The following OSTF1 variants were observed in gnomAD, a reference collection of about 807,000 sequenced individuals.
OSTF1 encodes the protein osteoclast-stimulating factor 1.
In OSTF1, 27 loss-of-function variants were observed where a neutral mutation model predicts 37.2. The observed-to-expected ratio is 0.73, with a 90% CI of 0.54 to 1.00. OSTF1 has a LOEUF of 1.00. Ranked by LOEUF, OSTF1 falls within the 50% of genes least tolerant of loss-of-function variation. The pLI is 0.00. For missense variants in OSTF1, 232 were observed against 253.8 expected (o/e 0.91, Z 0.58); for synonymous variants, 82 against 89.2 (o/e 0.92, Z 0.46).
intron 2 of OSTF1, among the ~76,000 whole-genome samples, chr9:75,118,015 A>T (rs1825519682): frequency 6.6e-6 from 1 of 152,146 alleles, no homozygotes; most frequent in Non-Finnish European, 1.5e-5. Context: ...TGGTTTATTA[A>T]GCGCCTATTA....
At position 75,099,264 on chromosome 9, in the gene OSTF1, C is replaced by CT. The variant is rs113012001; in HGVS notation, c.34+10551dup. 2.9e-3 allele frequency among the ~76,000 whole-genome samples: 410 copies of CT among 141,768 alleles called. 1 individual carries two copies. Among genetic ancestry groups the CT allele is most frequent in the Admixed American group, 3.9e-3 (55 of 14,126 alleles). 93.0% of individuals were successfully genotyped at this position (141,768 alleles called of 152,430 possible). A position where few individuals can be genotyped will look rare whatever the true frequency, so the allele number is the denominator to read the frequency against. On this transcript the variant is annotated intron_variant, in intron 1 of 9. Transcript: ENST00000346234. ...TATTTAAAGAAATTCTGATAAATGG[C>CT]TTTTTTTTTTTTTAATTAAGAAAAG...
chr9:75,123,736 T>C (rs1389857819), intron 2 of OSTF1, among the ~76,000 whole-genome samples: 1 of 152,182 alleles, frequency 6.6e-6, no homozygotes, highest in African/African-American at 2.4e-5. Flanking sequence ...GAAGAAGACA[T>C]TTTACGAGTA....
intron 1 of OSTF1, among the ~76,000 whole-genome samples, chr9:75,103,199 A>G (rs754437742): frequency 3.0e-4 from 46 of 152,230 alleles, no homozygotes; most frequent in Admixed American, 4.6e-4. Context: ...AGTTTGAGGC[A>G]GGAGGTTTAG....
At chr9:75,105,173 T>TG (rs1220427113) in intron 1 of OSTF1, among the ~76,000 whole-genome samples, 1 of 152,218 alleles carries the variant, frequency 6.6e-6, no homozygotes, top group Non-Finnish European at 1.5e-5. Flanking sequence ...GAGGAAGTCA[T>TG]GACCCAGATT....
chr9:75,121,060 G>A (rs528137914), intron 2 of OSTF1, among the ~76,000 whole-genome samples: 1 of 152,282 alleles, frequency 6.6e-6, no homozygotes, highest in Non-Finnish European at 1.5e-5. Context: ...CCCGCACTAG[G>A]GTTCAGGACC....
chr9:75,121,868 G>A (rs560127939), intron 2 of OSTF1, among the ~76,000 whole-genome samples: 67 of 152,282 alleles, frequency 4.4e-4, no homozygotes, highest in African/African-American at 1.6e-3. Context: ...TTGCTGGCAT[G>A]TGCAGCTCCC....
chr9:75,134,297 G>A (rs1275795315), intron 6 of OSTF1, 49 bp from the exon 7 acceptor site: 1 of 832,884 alleles, frequency 1.2e-6, no homozygotes, highest in Non-Finnish European at 2.0e-6. Context: ...AGATTTGTCA[G>A]GCTTCTAATT....
intron 1 of OSTF1, among the ~76,000 whole-genome samples, chr9:75,114,964 C>T (rs560921159): frequency 1.2e-4 from 19 of 152,322 alleles, no homozygotes; most frequent in African/African-American, 3.8e-4. Flanking sequence ...GTGGTAGGCA[C>T]TCGGGTGTCT....
At chr9:75,128,401 TATATA>T (rs1825698441) in intron 3 of OSTF1, among the ~76,000 whole-genome samples, 10 of 89,956 alleles carry the variant, frequency 1.1e-4, no homozygotes, top group Non-Finnish European at 1.4e-4. Context: ...TATATATATA[TATATA>T]TTTTGTCCAT....
chr9:75,134,722 C>T (rs576064905), intron 7 of OSTF1, among the ~76,000 whole-genome samples: 1 of 152,300 alleles, frequency 6.6e-6, no homozygotes, highest in Admixed American at 6.5e-5. Flanking sequence ...TTGTCAGCTG[C>T]CCCAGCTCTC....
intron 1 of OSTF1, among the ~76,000 whole-genome samples, chr9:75,114,647 G>A (rs1479130395): frequency 6.6e-6 from 1 of 151,992 alleles, no homozygotes; most frequent in Non-Finnish European, 1.5e-5. Context: ...CCACCTCCTG[G>A]GTTCAGGCAA....
intron 8 of OSTF1, among the ~76,000 whole-genome samples, chr9:75,140,616 C>T (rs146052210): frequency 5.3e-5 from 8 of 152,142 alleles, no homozygotes; most frequent in African/African-American, 1.7e-4. Flanking sequence ...TCAAAAGGTT[C>T]GGAATTAATT....
chr9:75,141,343 A>AAAAAAAAAAAG (rs1825941530), intron 9 of OSTF1, among the ~76,000 whole-genome samples: 1 of 147,918 alleles, frequency 6.8e-6, no homozygotes, highest in Admixed American at 6.7e-5. Context: ...AAAAAAAGAT[A>AAAAAAAAAAAG]AACTCTTCAG....
intron 9 of OSTF1, among the ~76,000 whole-genome samples, chr9:75,143,300 G>A (rs80106305): frequency 0.036 from 5,507 of 152,180 alleles, 133 homozygotes; most frequent in African/African-American, 0.062. Flanking sequence ...TAGGATATAG[G>A]GCTGGGGGTT....
intron 1 of OSTF1, among the ~76,000 whole-genome samples, chr9:75,100,649 T>C (rs936668000): frequency 1.3e-5 from 2 of 151,276 alleles, no homozygotes; most frequent in African/African-American, 4.9e-5. Context: ...GAGAATCTCT[T>C]GAACCTGGGA....
intron 1 of OSTF1, among the ~76,000 whole-genome samples, chr9:75,103,236 C>G (rs1825225515): frequency 1.3e-5 from 2 of 152,188 alleles, no homozygotes; most frequent in African/African-American, 4.8e-5. Context: ...CAAGCTATGA[C>G]TGCGTCATTG....
chr9:75,118,728 C>T (rs1825532544), intron 2 of OSTF1, among the ~76,000 whole-genome samples: 1 of 152,014 alleles, frequency 6.6e-6, no homozygotes, highest in Non-Finnish European at 1.5e-5. Flanking sequence ...AGAATGAGAA[C>T]CAAGTGAAAG....
intron 2 of OSTF1, among the ~76,000 whole-genome samples, chr9:75,121,521 T>G (rs1229932324): frequency 6.6e-6 from 1 of 152,174 alleles, no homozygotes; most frequent in Admixed American, 6.5e-5. Flanking sequence ...CCTCTATATT[T>G]CTCCCCTGTT....
At chr9:75,117,605 A>G (rs1193452316) in intron 2 of OSTF1, 55 bp downstream of exon 2, 11 of 1,253,326 alleles carry the variant, frequency 8.8e-6, no homozygotes, top group Non-Finnish European at 1.3e-5. Context: ...AGATGATTTT[A>G]TTTAGACATT....
Sources: allele counts gnomAD v4.1 joint callset (sites outside exome capture counted in the v4.1 genomes callset), GRCh38; gene constraint gnomAD v4.1.1; transcripts MANE v1.5; gene names NCBI Gene and HGNC (gene_info 2026-07-23, HGNC 2026-07-21).